Variants in BTK observed in about 807,000 individuals in gnomAD.
The protein encoded by BTK is Bruton tyrosine kinase.
BTK carries 5 observed loss-of-function variants against 57.4 expected under a neutral mutation model. That is an observed-to-expected ratio of 0.09 (90% confidence interval 0.05 to 0.18). The LOEUF (loss-of-function observed/expected upper bound fraction) is 0.18, where lower values mean the gene tolerates loss of function less well. BTK is among the 10% of genes least tolerant of loss of function. The pLI is 1.00. For missense variants in BTK, 194 were observed against 501.2 expected (o/e 0.39, Z 5.85); for synonymous variants, 154 against 174.3 (o/e 0.88, Z 0.92).
At chrX:101,350,075 G>T in intron 18 of BTK, 119 bp from the exon 19 acceptor site, 6 of 405,311 alleles carry the variant, frequency 1.5e-5, no homozygotes, top group Non-Finnish European at 2.6e-5. Flanking sequence ...AGCATGCCCT[G>T]TCGATTACAA....
At position 101,362,216 on chromosome X, in the gene BTK, C is replaced by T. The variant is rs1926694399; in HGVS notation, c.545G>A (p.Arg182Gln). ...TGGGGGAAGAGGCTTTTTTGTCTTC[C>T]GGTGAGAACTCCCAGGTTTTAAGCC... ...NGSLKPGSSH[R>Q]KTKKPLPPTP... The change falls in exon 7 of 19, where the codon CGG becomes CAG. Residue 182 changes from arginine to glutamine, a missense_variant. Arg to Gln is a conservative substitution (Grantham distance 43). Transcript: ENST00000308731. The T allele has an allele frequency of 8.3e-7, 1 of 1,211,653 alleles. No homozygotes were observed.
intron 18 of BTK, among the ~76,000 whole-genome samples, chrX:101,351,162 A>G (rs1463609774): frequency 2.7e-5 from 3 of 111,081 alleles, no homozygotes; most frequent in African/African-American, 9.8e-5. Context: ...CGCCTGGTTA[A>G]TTTTTGTATT....
intron 5 of BTK, among the ~76,000 whole-genome samples, chrX:101,363,854 A>G (rs1216532143): frequency 1.9e-5 from 2 of 106,735 alleles, no homozygotes; most frequent in African/African-American, 6.8e-5. Context: ...GAACATATAC[A>G]TTTCAGCATT....
chrX:101,386,400 A>T (rs1433103475), upstream of BTK, among the ~76,000 whole-genome samples: 1 of 110,386 alleles, frequency 9.1e-6, no homozygotes, highest in Non-Finnish European at 1.9e-5. Context: ...TCTCAACATG[A>T]CTGGGGCCAC....
At chrX:101,382,880 C>T (rs972249035) in intron 1 of BTK, among the ~76,000 whole-genome samples, 2 of 111,188 alleles carry the variant, frequency 1.8e-5, no homozygotes, top group African/African-American at 3.3e-5. Flanking sequence ...AAATAACACA[C>T]GCAGCTGGGT....
rs536846518 is a variant in BTK at position 101,378,083 on chromosome X, A to ATTTTT, written c.-30-2774_-30-2770dup. 16 of 90,178 alleles carry ATTTTT rather than the reference A, an allele frequency of 1.8e-4. 1 individual carries two copies. Among genetic ancestry groups the ATTTTT allele is most frequent in the East Asian group, 3.5e-4 (1 of 2,876 alleles). 7.4% of individuals were successfully genotyped at this position (90,178 alleles called of 1,213,427 possible). ...GTGGGTACTTATTGTGAAAGGCCCC[A>ATTTTT]TTTTTTTTTTTTTTTTTTGAGACGG... On this transcript the variant is annotated intron_variant, in intron 1 of 18. Coordinates refer to ENST00000308731, the MANE Select transcript of BTK (RefSeq NM_000061.3).
At chrX:101,355,094 C>A (rs1926424681) in intron 15 of BTK, among the ~76,000 whole-genome samples, 1 of 112,027 alleles carries the variant, frequency 8.9e-6, no homozygotes, top group Admixed American at 9.5e-5. Flanking sequence ...GCCTGGCCAA[C>A]ATGGCGATAC....
intron 1 of BTK, 77 bp from the exon 2 acceptor site, chrX:101,375,391 T>G: frequency 9.9e-7 from 1 of 1,006,302 alleles, no homozygotes; most frequent in Non-Finnish European, 1.4e-6. Context: ...CCTAGCTACC[T>G]AGTTTCAAAT....
intron 3 of BTK, 57 bp downstream of exon 3, chrX:101,374,479 T>C: frequency 9.2e-6 from 9 of 977,378 alleles, no homozygotes; most frequent in Non-Finnish European, 1.3e-5. Context: ...AGAATTTAAA[T>C]GTTGCAAATT....
intron 1 of BTK, among the ~76,000 whole-genome samples, chrX:101,377,022 C>T (rs1419861573): frequency 2.7e-5 from 3 of 111,135 alleles, no homozygotes; most frequent in Non-Finnish European, 5.7e-5. Flanking sequence ...CACTTATCTA[C>T]CATGTGTATG....
intron 12 of BTK, 80 bp from the exon 13 acceptor site, chrX:101,357,663 A>G: frequency 1.3e-6 from 1 of 788,663 alleles, no homozygotes; most frequent in Non-Finnish European, 2.0e-6. Flanking sequence ...AAAGCCTCAC[A>G]CTTCCGGTGT....
At position 101,353,058 on chromosome X, in the gene BTK, C is replaced by A. The variant is rs782677871; in HGVS notation, c.1908+136G>T. ...TCCAACCTGGGTGAAAGAGCGAGAC[C>A]TTGTCTCAAATTAAAAAAAAAAAAA... is the stretch of plus-strand genomic sequence containing the variant. On this transcript the variant is annotated intron_variant, in intron 18 of 18. Transcript: ENST00000308731. 2.7e-5 allele frequency: 17 copies of A among 631,521 alleles called. No individual in the cohort carries two copies. The East Asian group carries it at 5.3e-4, about 20-fold the overall frequency. The allele number at this position is 631,521 out of a possible 1,213,427, so 52.0% of individuals were successfully genotyped here.
intron 3 of BTK, chrX:101,374,300 A>G (rs1416241332): frequency 1.3e-5 from 5 of 387,397 alleles, no homozygotes; most frequent in African/African-American, 7.6e-5. Flanking sequence ...AAAACTAGAT[A>G]TAGCATCATT....
chrX:101,350,607 C>G (rs907018672), intron 18 of BTK, among the ~76,000 whole-genome samples: 4 of 109,813 alleles, frequency 3.6e-5, no homozygotes, highest in African/African-American at 1.3e-4. Context: ...CCATCACGCC[C>G]AGCTAATTTT....
intron 10 of BTK, 28 bp downstream of exon 10, chrX:101,359,265 T>G: frequency 8.3e-7 from 1 of 1,205,656 alleles, no homozygotes; most frequent in Non-Finnish European, 1.1e-6. Context: ...GCAAGGAGAA[T>G]GCTGTGTGCT....
At chrX:101,377,287 A>C (rs782236542) in intron 1 of BTK, among the ~76,000 whole-genome samples, 10 of 111,284 alleles carry the variant, frequency 9.0e-5, no homozygotes, top group East Asian at 8.4e-4. Context: ...TAACCAAATA[A>C]TACTACTCTA....
At chrX:101,369,862 C>T (rs1555980019) in intron 5 of BTK, 136 bp downstream of exon 5, 74 of 500,839 alleles carry the variant, frequency 1.5e-4, no homozygotes, top group Admixed American at 1.1e-3. Context: ...CCATTTTTTT[C>T]TTCTTTTCTC....
At chrX:101,354,766 C>A (rs2147425950) in intron 15 of BTK, 72 bp from the exon 16 acceptor site, 1 of 1,027,585 alleles carries the variant, frequency 9.7e-7, no homozygotes, top group Non-Finnish European at 1.4e-6. Flanking sequence ...CTTCTGCTGA[C>A]CAGTAGAATG....
intron 4 of BTK, among the ~76,000 whole-genome samples, chrX:101,371,291 T>C (rs1323467302): frequency 8.9e-6 from 1 of 112,100 alleles, no homozygotes; most frequent in Non-Finnish European, 1.9e-5. Flanking sequence ...ACATGACCAC[T>C]ATTAGACAGA....
Sources: allele counts gnomAD v4.1 joint callset (sites outside exome capture counted in the v4.1 genomes callset), GRCh38; gene constraint gnomAD v4.1.1; transcripts MANE v1.5; gene names NCBI Gene and HGNC (gene_info 2026-07-23, HGNC 2026-07-21).